The following GLT1D1 variants were observed in gnomAD, a reference collection of about 807,000 sequenced individuals.
GLT1D1 encodes the protein glycosyltransferase 1 domain containing 1, also known as glycosyltransferase 1 domain-containing protein 1.
GLT1D1 carries 21 observed loss-of-function variants against 28.7 expected under a neutral mutation model. The observed-to-expected ratio is 0.73, with a 90% CI of 0.52 to 1.05. The LOEUF is 1.05. GLT1D1 is among the 50% of genes least tolerant of loss of function. GLT1D1 has a pLI of 0.00. For synonymous variants in GLT1D1, 147 were observed against 124.8 expected, an observed-to-expected ratio of 1.18 and a Z score of -1.19; for missense variants, 343 against 330.6, an observed-to-expected ratio of 1.04 and a Z score of -0.29.
chr12:128,919,992 C>CTCT lies in GLT1D1; in HGVS notation c.375+20705_375+20706insTCT, dbSNP rs1566133496. On this transcript the variant is annotated intron_variant, in intron 4 of 7. Transcript: ENST00000281703. ...CTCTCTCTCTCTCTCTCTCTCTCTC[C>CTCT]CCCTCCATCTCTCTCTCTATCTCTC... Among the ~76,000 whole-genome samples the CTCT allele has an allele frequency of 2.0e-3, 45 of 22,018 alleles. 3 individuals are homozygous for CTCT. Among genetic ancestry groups the CTCT allele is most frequent in the African/African-American group, 7.1e-3 (41 of 5,786 alleles). The allele number at this position is 22,018 out of a possible 152,430, so 14.4% of individuals were successfully genotyped here.
intron 7 of GLT1D1, among the ~76,000 whole-genome samples, chr12:128,966,004 A>T (rs1488729722): frequency 6.6e-6 from 1 of 152,252 alleles, no homozygotes; most frequent in African/African-American, 2.4e-5. Flanking sequence ...AGTGGCAGAG[A>T]TGGGACCTCC....
chr12:128,933,821 A>T (rs1275519172), intron 4 of GLT1D1, among the ~76,000 whole-genome samples: 1 of 152,224 alleles, frequency 6.6e-6, no homozygotes, highest in Non-Finnish European at 1.5e-5. Context: ...TGAATACAGA[A>T]CTAGGAGGGG....
Position 128,945,191 on chromosome 12 carries a change from G to A in GLT1D1, c.376-135G>A, listed in dbSNP as rs539248077. On this transcript the variant is annotated intron_variant, in intron 4 of 7. Transcript: ENST00000281703. ...CCCATGATCACCACACGCAGCAGCC[G>A]CGAGGACACCCCCGTGGCCGCAGAC... is the stretch of plus-strand genomic sequence containing the variant. 6.5e-4 allele frequency: 569 copies of A among 874,508 alleles called. 2 individuals carry two copies. The highest frequency in any genetic ancestry group is 6.2e-3 in the African/African-American group (375 of 60,898). 54.2% of individuals were successfully genotyped at this position (874,508 alleles called of 1,614,324 possible).
intron 1 of GLT1D1, among the ~76,000 whole-genome samples, chr12:128,874,130 CTTTCTTTCTTTCTTTCTTTCTT>C (rs1566091563): frequency 3.6e-5 from 2 of 55,670 alleles, no homozygotes; most frequent in African/African-American, 1.3e-4. Flanking sequence ...CTCTCTCTTT[CTTTCTTTCTTTCTTTCTTTCTT>C]TCTTTCTTTC....
intron 7 of GLT1D1, among the ~76,000 whole-genome samples, chr12:128,974,623 G>A (rs1879589471): frequency 6.6e-6 from 1 of 152,220 alleles, no homozygotes; most frequent in African/African-American, 2.4e-5. Flanking sequence ...CTGAACTGAT[G>A]TGAAGTCACC....
intron 1 of GLT1D1, among the ~76,000 whole-genome samples, chr12:128,866,855 A>G (rs1219406264): frequency 6.6e-6 from 1 of 151,338 alleles, no homozygotes; most frequent in East Asian, 2.0e-4. Flanking sequence ...TCCTGACCTC[A>G]GGTCATCCAC....
chr12:128,853,719 G>A (rs2135743648), intron 1 of GLT1D1, 70 bp downstream of exon 1: 1 of 955,754 alleles, frequency 1.0e-6, no homozygotes, highest in Non-Finnish European at 1.3e-6. Context: ...GGGACCCGGG[G>A]ACGCGGGGCG....
intron 7 of GLT1D1, among the ~76,000 whole-genome samples, chr12:128,976,459 G>C (rs1879771775): frequency 6.6e-6 from 1 of 152,202 alleles, no homozygotes; most frequent in South Asian, 2.1e-4. Flanking sequence ...AACCAGAAAA[G>C]CCCGAGGAAA....
chr12:128,875,119 T>C (rs1371442512), intron 1 of GLT1D1, among the ~76,000 whole-genome samples: 1 of 151,210 alleles, frequency 6.6e-6, no homozygotes, highest in Non-Finnish European at 1.5e-5. Flanking sequence ...AACCAGGAAG[T>C]ATTTTTTTTG....
intron 4 of GLT1D1, among the ~76,000 whole-genome samples, chr12:128,922,190 GTGTA>G: frequency 6.8e-6 from 1 of 146,254 alleles, no homozygotes; most frequent in East Asian, 2.0e-4. Flanking sequence ...GTGTGTGTGT[GTGTA>G]TACACACCAG....
intron 1 of GLT1D1, 64 bp downstream of exon 1, chr12:128,853,713 C>A: frequency 1.0e-6 from 1 of 987,340 alleles, no homozygotes; most frequent in Non-Finnish European, 1.2e-6. Context: ...GGACGCGGGA[C>A]CCGGGGACGC....
At position 128,910,340 on chromosome 12, in the gene GLT1D1, G is replaced by T. The variant is rs573058697; in HGVS notation, c.375+11053G>T. On this transcript the variant is annotated intron_variant, in intron 4 of 7. Transcript: ENST00000281703. ...ATTTTGAGTTTATGTATTGCTAATT[G>T]CAGAGCCTATTTCCAATGAAAATAG... Among the ~76,000 whole-genome samples the T allele has an allele frequency of 3.6e-5, 5 of 138,228 alleles. No individual in the cohort carries two copies. In the East Asian group the frequency reaches 6.4e-4, roughly 18 times the overall value. 90.7% of individuals were successfully genotyped at this position (138,228 alleles called of 152,430 possible). A position where few individuals can be genotyped will look rare whatever the true frequency, so the allele number is the denominator to read the frequency against.
At chr12:128,940,844 G>A (rs1875140307) in intron 4 of GLT1D1, among the ~76,000 whole-genome samples, 1 of 152,166 alleles carries the variant, frequency 6.6e-6, no homozygotes, top group Non-Finnish European at 1.5e-5. Context: ...GAGGGTACAA[G>A]CCAGTGGGTT....
chr12:128,866,920 A>G (rs1328316341), intron 1 of GLT1D1, among the ~76,000 whole-genome samples: 1 of 150,132 alleles, frequency 6.7e-6, no homozygotes, highest in Non-Finnish European at 1.5e-5. Flanking sequence ...TGCGCCAGCC[A>G]CCTTCAGGTC....
At chr12:128,970,684 C>T (rs1192534854) in intron 7 of GLT1D1, among the ~76,000 whole-genome samples, 1 of 152,250 alleles carries the variant, frequency 6.6e-6, no homozygotes, top group African/African-American at 2.4e-5. Flanking sequence ...CCGAGCTGCG[C>T]CCACGGCTGG....
chr12:128,865,772 A>G (rs1389422930), intron 1 of GLT1D1, among the ~76,000 whole-genome samples: 1 of 152,140 alleles, frequency 6.6e-6, no homozygotes, highest in Admixed American at 6.5e-5. Flanking sequence ...CAGTGAGCCA[A>G]GATCGCACCA....
At chr12:128,962,630 AG>A (rs1375378575) in intron 7 of GLT1D1, among the ~76,000 whole-genome samples, 1 of 152,200 alleles carries the variant, frequency 6.6e-6, no homozygotes, top group Non-Finnish European at 1.5e-5. Flanking sequence ...GCTGTTGAAG[AG>A]CGGCTGAAAG....
rs372955953 is a variant in GLT1D1, at chr12:128,945,329, G to C, written c.379G>C (p.Asp127His). The C allele has an allele frequency of 6.8e-6, 11 of 1,613,944 alleles. No individual in the cohort carries two copies. The highest frequency in any genetic ancestry group is 9.3e-6 in the Non-Finnish European group (11 of 1,179,896). ...ATTTATCTTTGTCTCTTTTCAGGTC[G>C]ATCCAGTGTTTACAAGGGAAGTGAA... The change falls in exon 5 of 8, where the codon GAT becomes CAT. Residue 127 changes from aspartate to histidine, a missense_variant. Asp to His is a moderately conservative substitution (Grantham distance 81). Transcript: ENST00000281703.
chr12:128,916,124 A>C (rs745490705), intron 4 of GLT1D1, among the ~76,000 whole-genome samples: 1 of 152,156 alleles, frequency 6.6e-6, no homozygotes, highest in East Asian at 1.9e-4. Flanking sequence ...GCATTGAATA[A>C]TTTTTTGTAT....
Sources: gnomAD v4.1 joint callset for allele counts (sites outside exome capture counted in the v4.1 genomes callset) on GRCh38, gnomAD v4.1.1 for gene constraint, MANE v1.5 for transcripts, NCBI Gene and HGNC (gene_info 2026-07-23, HGNC 2026-07-21) for gene names.